The following PTPRD variants were observed in gnomAD, a reference collection of about 807,000 sequenced individuals.
PTPRD encodes the protein receptor-type tyrosine-protein phosphatase delta.
In PTPRD, 34 loss-of-function variants were observed where a neutral mutation model predicts 214.5. That is an observed-to-expected ratio of 0.16 (90% confidence interval 0.12 to 0.21). The LOEUF (loss-of-function observed/expected upper bound fraction) is 0.21, where lower values mean the gene tolerates loss of function less well. Among genes scored for constraint, PTPRD ranks in the 10% least tolerant of loss-of-function variants. The pLI is 1.00. For synonymous variants in PTPRD, 1,128 were observed against 845.7 expected, an observed-to-expected ratio of 1.33 and a Z score of -5.79; for missense variants, 2,545 against 2,398.7, an observed-to-expected ratio of 1.06 and a Z score of -1.27.
At chr9:9,706,115 A>G (rs2097599193) in intron 7 of PTPRD, among the ~76,000 whole-genome samples, 1 of 152,206 alleles carries the variant, frequency 6.6e-6, no homozygotes, top group Non-Finnish European at 1.5e-5. Context: ...AACAGCTATT[A>G]TTATGAATAA....
rs75057856 is a variant in PTPRD, at chr9:8,540,033, G to C, written c.353-11254C>G. Among the ~76,000 whole-genome samples, 920 of 152,126 alleles carry C rather than the reference G, an allele frequency of 6.0e-3. 10 individuals are homozygous for C. The highest frequency in any genetic ancestry group is 0.02 in the African/African-American group (832 of 41,520). The stretch of plus-strand genomic sequence containing the variant: ...GAATGCCTTGTTTGTATAAATCTGA[G>C]TATTTGGGAATGACAGGCAAGGCAT... On this transcript the variant is annotated intron_variant, in intron 14 of 45. Coordinates refer to ENST00000381196, the MANE Select transcript of PTPRD (RefSeq NM_002839.4).
At chr9:9,400,440 A>T (rs1279255339) in intron 8 of PTPRD, among the ~76,000 whole-genome samples, 1 of 34,372 alleles carries the variant, frequency 2.9e-5, no homozygotes, top group Non-Finnish European at 6.2e-5. Flanking sequence ...ACCAATCAAA[A>T]TCCGTCCTTC....
chr9:9,136,549 G>C (rs903104239), intron 10 of PTPRD, among the ~76,000 whole-genome samples: 1 of 152,036 alleles, frequency 6.6e-6, no homozygotes, highest in Non-Finnish European at 1.5e-5. Flanking sequence ...AGAAAGACTA[G>C]CAAGTGAAAT....
intron 9 of PTPRD, among the ~76,000 whole-genome samples, chr9:9,390,199 G>A (rs2065312781): frequency 6.6e-6 from 1 of 152,138 alleles, no homozygotes; most frequent in African/African-American, 2.4e-5. Context: ...AAGTGAAAGA[G>A]GAAGATGGAG....
At position 9,981,789 on chromosome 9, in the gene PTPRD, C is replaced by A. The variant is rs186551525; in HGVS notation, c.-471-43179G>T. On this transcript the variant is annotated intron_variant, in intron 4 of 45. Transcript: ENST00000381196. ...GGCGCTTTTTGACTCGTATCATACT[C>A]TATTTTCTTCATTTCCATAACAACT... Among the ~76,000 whole-genome samples, 320 of 152,216 alleles carry A rather than the reference C, an allele frequency of 2.1e-3. 1 individual carries two copies. Among genetic ancestry groups the A allele is most frequent in the African/African-American group, 7.2e-3 (299 of 41,548 alleles).
chr9:9,939,798 T>A lies in PTPRD; in HGVS notation c.-471-1188A>T, dbSNP rs185654424. On this transcript the variant is annotated intron_variant, in intron 4 of 45. Coordinates refer to ENST00000381196, the MANE Select transcript of PTPRD (RefSeq NM_002839.4). ...TAAGAGTTTTTTCTATGCAGTACGA[T>A]GTGAAGGGCTCAAGAAAGTCCCACC... Among the ~76,000 whole-genome samples, 4 of 152,276 alleles carry A rather than the reference T, an allele frequency of 2.6e-5. No individual in the cohort carries two copies. The East Asian group carries it at 7.7e-4, about 29-fold the overall frequency.
At chr9:8,413,021 C>G (rs2093646282) in intron 35 of PTPRD, among the ~76,000 whole-genome samples, 1 of 152,136 alleles carries the variant, frequency 6.6e-6, no homozygotes, top group Non-Finnish European at 1.5e-5. Context: ...ATTTAAGAAA[C>G]ACTATAAGGA....
At chr9:10,413,392 C>A (rs1046594441) in intron 2 of PTPRD, among the ~76,000 whole-genome samples, 1 of 151,812 alleles carries the variant, frequency 6.6e-6, no homozygotes, top group Admixed American at 6.6e-5. Context: ...CTTAGAAAAA[C>A]AGCTCACGAG....
chr9:9,572,656 C>G (rs913514273), intron 8 of PTPRD, among the ~76,000 whole-genome samples: 1 of 144,400 alleles, frequency 6.9e-6, no homozygotes, highest in Non-Finnish European at 1.5e-5. Flanking sequence ...AAACATAACC[C>G]GATATGTATA....
chr9:8,937,821 C>T (rs2099007610), intron 11 of PTPRD, among the ~76,000 whole-genome samples: 1 of 152,118 alleles, frequency 6.6e-6, no homozygotes, highest in African/African-American at 2.4e-5. Flanking sequence ...ATTAAAGGGT[C>T]AAGAATCTTG....
chr9:10,527,017 T>G (rs1463168854), intron 2 of PTPRD, among the ~76,000 whole-genome samples: 1 of 152,148 alleles, frequency 6.6e-6, no homozygotes, highest in Non-Finnish European at 1.5e-5. Flanking sequence ...GAGTCTTATT[T>G]AATATAAATG....
intron 5 of PTPRD, among the ~76,000 whole-genome samples, chr9:9,802,088 A>T (rs1033569397): frequency 6.6e-6 from 1 of 152,094 alleles, no homozygotes; most frequent in Non-Finnish European, 1.5e-5. Context: ...TTGCGACTCA[A>T]GTTGCTTAAG....
At chr9:8,857,711 C>G (rs1346347808) in intron 11 of PTPRD, 1 of 158,590 alleles carries the variant, frequency 6.3e-6, no homozygotes. Context: ...CCAGCGCCTT[C>G]GCGCCCCGCC....
intron 9 of PTPRD, among the ~76,000 whole-genome samples, chr9:9,211,626 T>C (rs898366268): frequency 1.3e-5 from 2 of 151,894 alleles, no homozygotes; most frequent in Non-Finnish European, 2.9e-5. Flanking sequence ...TACAAAATAT[T>C]TGACATATAC....
chr9:10,049,407 A>AAAAAGAAAGAAAGAAAGAAAGAAAGAAAG (rs1555515116), intron 3 of PTPRD, among the ~76,000 whole-genome samples: 3 of 115,696 alleles, frequency 2.6e-5, no homozygotes, highest in Non-Finnish European at 5.2e-5. Context: ...TTAAAAAAAA[A>AAAAAGAAAGAAAGAAAGAAAGAAAGAAAG]AAAGAAAGAA....
chr9:9,221,396 C>A (rs1247731656), intron 9 of PTPRD, among the ~76,000 whole-genome samples: 1 of 152,050 alleles, frequency 6.6e-6, no homozygotes, highest in Non-Finnish European at 1.5e-5. Context: ...AAAACAATAA[C>A]ATCTGTATTA....
At chr9:8,397,341 T>C (rs941597753) in intron 36 of PTPRD, among the ~76,000 whole-genome samples, 32 of 152,290 alleles carry the variant, frequency 2.1e-4, no homozygotes, top group South Asian at 4.1e-4. Context: ...GACTTCTTTA[T>C]TGGGTGAAAT....
intron 14 of PTPRD, among the ~76,000 whole-genome samples, chr9:8,595,024 A>G (rs1414080836): frequency 6.6e-6 from 1 of 151,478 alleles, no homozygotes; most frequent in Non-Finnish European, 1.5e-5. Flanking sequence ...CATCATGCCC[A>G]GCTAATTTTT....
intron 9 of PTPRD, among the ~76,000 whole-genome samples, chr9:9,294,600 C>T (rs983554608): frequency 2.0e-5 from 3 of 151,636 alleles, no homozygotes; most frequent in Non-Finnish European, 3.0e-5. Context: ...TGTGCTATTT[C>T]TCTATGTCTG....
Sources: gnomAD v4.1 joint callset for allele counts (sites outside exome capture counted in the v4.1 genomes callset) on GRCh38, gnomAD v4.1.1 for gene constraint, MANE v1.5 for transcripts, NCBI Gene and HGNC (gene_info 2026-07-23, HGNC 2026-07-21) for gene names.